The following ATP6V1E1 variants were observed in gnomAD, a reference collection of about 807,000 sequenced individuals.
ATP6V1E1 encodes ATPase H+ transporting V1 subunit E1, also known as V-type proton ATPase subunit E 1.
ATP6V1E1 carries 21 observed loss-of-function variants against 35.2 expected under a neutral mutation model. The observed-to-expected ratio is 0.60, with a 90% CI of 0.42 to 0.86. The LOEUF is 0.86. ATP6V1E1 is among the 40% of genes least tolerant of loss of function. The pLI, the probability that ATP6V1E1 is intolerant of heterozygous loss-of-function variation, is 0.00. For missense variants in ATP6V1E1, 183 were observed against 272.6 expected (o/e 0.67, Z 2.32); for synonymous variants, 83 against 87.8 (o/e 0.95, Z 0.30).
intron 2 of ATP6V1E1, among the ~76,000 whole-genome samples, chr22:17,616,573 G>A (rs1171752745): frequency 6.6e-6 from 1 of 151,578 alleles, no homozygotes; most frequent in East Asian, 1.9e-4. Context: ...CAGCTACTTG[G>A]GAGGCTGAGG....
At position 17,601,150 on chromosome 22, in the gene ATP6V1E1, C is replaced by A; in HGVS notation, c.308G>T (p.Ser103Ile). ...DLLNEAKQRL[S>I]KVVKDTTRYQ... ...CCTGGTTGTATCTTTTACCACCTTG[C>A]TGAGTCTCTGTTTTGCTTCATTTAG... The change falls in exon 5 of 9, where the codon AGC becomes ATC. Residue 103 changes from serine to isoleucine, a missense_variant. Coordinates refer to ENST00000253413, the MANE Select transcript of ATP6V1E1 (RefSeq NM_001696.4). The A allele has an allele frequency of 6.2e-7, 1 of 1,613,740 alleles. No individual in the cohort carries two copies. The highest frequency in any genetic ancestry group is 8.5e-7 in the Non-Finnish European group (1 of 1,179,754).
intron 4 of ATP6V1E1, among the ~76,000 whole-genome samples, chr22:17,602,170 G>C (rs1023391001): frequency 6.6e-6 from 1 of 152,192 alleles, no homozygotes; most frequent in African/African-American, 2.4e-5. Context: ...ATCTCCCAAA[G>C]TGCTGGGATT....
chr22:17,604,264 T>C (rs1460918416), intron 4 of ATP6V1E1, among the ~76,000 whole-genome samples: 1 of 152,216 alleles, frequency 6.6e-6, no homozygotes, highest in African/African-American at 2.4e-5. Flanking sequence ...GGTTATAATC[T>C]GGCTCCTCAT....
chr22:17,607,805 G>A (rs2057793829), intron 4 of ATP6V1E1, among the ~76,000 whole-genome samples: 1 of 152,132 alleles, frequency 6.6e-6, no homozygotes, highest in African/African-American at 2.4e-5. Context: ...CTCTGGAAAT[G>A]GGAATGAACA....
Position 17,628,647 on chromosome 22 carries a change from T to C in ATP6V1E1, c.-12A>G. On this transcript the variant is annotated 5_prime_UTR_variant, in exon 1 of 9. Coordinates refer to ENST00000253413, the MANE Select transcript of ATP6V1E1 (RefSeq NM_001696.4). ...TCGCTGAGAGCCATGGCGAGAGCAA[T>C]GCTAGGCCGGTGAACAGTAGGCTCG... 1 of 1,614,136 alleles carries C rather than the reference T, an allele frequency of 6.2e-7. No individual in the cohort carries two copies. Among genetic ancestry groups the C allele is most frequent in the Non-Finnish European group, 8.5e-7 (1 of 1,180,024 alleles).
At chr22:17,624,863 G>A (rs760844357) in intron 1 of ATP6V1E1, among the ~76,000 whole-genome samples, 2 of 152,044 alleles carry the variant, frequency 1.3e-5, no homozygotes, top group Admixed American at 6.6e-5. Flanking sequence ...AGGAACTATA[G>A]CTTTATCTTT....
chr22:17,615,415 T>A (rs1195149078), intron 2 of ATP6V1E1, among the ~76,000 whole-genome samples: 3 of 150,390 alleles, frequency 2.0e-5, no homozygotes, highest in African/African-American at 7.4e-5. Context: ...GAGGCCGAGG[T>A]AGGCGGATCA....
chr22:17,608,399 T>C lies in ATP6V1E1; in HGVS notation c.276+4413A>G, dbSNP rs2057796715. Among the ~76,000 whole-genome samples the C allele has an allele frequency of 2.0e-5, 3 of 152,176 alleles. No homozygotes were observed. The South Asian group carries it at 6.2e-4, about 32-fold the overall frequency. ...TTTCAAGGTCATAAAAAGAATTATT[T>C]TTCTCTAGCCCATTTCTTTTTGTTT... On this transcript the variant is annotated intron_variant, in intron 4 of 8. Transcript: ENST00000253413.
At chr22:17,619,738 C>A (rs2057865670) in intron 1 of ATP6V1E1, among the ~76,000 whole-genome samples, 1 of 152,128 alleles carries the variant, frequency 6.6e-6, no homozygotes, top group South Asian at 2.1e-4. Context: ...TTAAAAAAGT[C>A]AATCACTTAC....
chr22:17,615,030 C>T, intron 2 of ATP6V1E1, among the ~76,000 whole-genome samples: 1 of 151,926 alleles, frequency 6.6e-6, no homozygotes, highest in East Asian at 1.9e-4. Context: ...GGGCTGGGCG[C>T]CATGGCTCAC....
rs377218213 is a variant in ATP6V1E1, at chr22:17,598,171, T to C, written c.530+23A>G. The C allele has an allele frequency of 5.5e-5, 86 of 1,574,694 alleles. No homozygotes were observed. The Admixed American group carries it at 1.2e-3, about 21-fold the overall frequency. Reference sequence around the variant, plus strand: ...CTCTCCCAGGGAGAGAAGGTAGCTGTTAGCAGCAGGAATACTCCTTACATG... The same window carrying C: ...CTCTCCCAGGGAGAGAAGGTAGCTGCTAGCAGCAGGAATACTCCTTACATG... On this transcript the variant is annotated intron_variant, in intron 7 of 8. Transcript: ENST00000253413.
chr22:17,592,566 T>A lies in ATP6V1E1; in HGVS notation c.*108A>T, dbSNP rs1044287422. 44 of 1,151,046 alleles carry A rather than the reference T, an allele frequency of 3.8e-5. No homozygotes were observed. Among genetic ancestry groups the A allele is most frequent in the Non-Finnish European group, 5.4e-5 (41 of 765,260 alleles). 71.3% of individuals were successfully genotyped at this position (1,151,046 alleles called of 1,614,324 possible). ...GGCATCGCTGATAAATACAGAGCAA[T>A]ACTGGGGCAGTGAAGAGGAAGCTAC... On this transcript the variant is annotated 3_prime_UTR_variant, in exon 9 of 9. Transcript: ENST00000253413.
At chr22:17,620,150 GT>G (rs35111647) in intron 1 of ATP6V1E1, among the ~76,000 whole-genome samples, 1,447 of 135,956 alleles carry the variant, frequency 0.011, 11 homozygotes, top group African/African-American at 0.033. Context: ...CCTTCCCTTT[GT>G]TTTTTTTTTT....
chr22:17,625,563 G>A (rs1419823267), intron 1 of ATP6V1E1, among the ~76,000 whole-genome samples: 1 of 147,468 alleles, frequency 6.8e-6, no homozygotes, highest in African/African-American at 2.4e-5. Flanking sequence ...TTACAGGCGT[G>A]AGCCGGCCAG....
intron 5 of ATP6V1E1, 70 bp downstream of exon 5, chr22:17,601,022 G>A: frequency 8.2e-7 from 1 of 1,225,526 alleles, no homozygotes; most frequent in Non-Finnish European, 1.1e-6. Context: ...AATAGAGCTG[G>A]TCTCTAATAG....
chr22:17,603,047 C>T (rs189024724), intron 4 of ATP6V1E1, among the ~76,000 whole-genome samples: 95 of 152,284 alleles, frequency 6.2e-4, no homozygotes, highest in African/African-American at 2.1e-3. Context: ...ACCTCCACCT[C>T]CCGGGTTCAA....
chr22:17,611,124 A>G (rs1159309914), intron 4 of ATP6V1E1, among the ~76,000 whole-genome samples: 1 of 64,722 alleles, frequency 1.5e-5, no homozygotes, highest in Non-Finnish European at 3.5e-5. Context: ...TCCCTAAGAC[A>G]TTATTATTGT....
intron 4 of ATP6V1E1, among the ~76,000 whole-genome samples, chr22:17,604,212 A>G (rs2057774538): frequency 6.6e-6 from 1 of 152,150 alleles, no homozygotes; most frequent in African/African-American, 2.4e-5. Context: ...CTAACATCCC[A>G]GTGACACCCT....
At chr22:17,614,841 C>T (rs1182046217) in intron 2 of ATP6V1E1, among the ~76,000 whole-genome samples, 2 of 150,834 alleles carry the variant, frequency 1.3e-5, no homozygotes, top group African/African-American at 4.9e-5. Flanking sequence ...TGGTGGCAGT[C>T]GCCTGTAGTC....
Sources: gnomAD v4.1 joint callset for allele counts (sites outside exome capture counted in the v4.1 genomes callset) on GRCh38, gnomAD v4.1.1 for gene constraint, MANE v1.5 for transcripts, NCBI Gene and HGNC (gene_info 2026-07-23, HGNC 2026-07-21) for gene names.